KHDRBS3: variants seen among roughly 807,000 people sequenced by gnomAD.
The protein encoded by KHDRBS3 is KH domain-containing, RNA-binding, signal transduction-associated protein 3.
In KHDRBS3, 23 loss-of-function variants were observed where a neutral mutation model predicts 45.6. The ratio of observed to expected loss-of-function variants is 0.50; its 90% CI spans 0.36 to 0.72. The LOEUF (loss-of-function observed/expected upper bound fraction) is 0.72. KHDRBS3 is among the 30% of genes least tolerant of loss of function. The pLI, the probability that KHDRBS3 is intolerant of heterozygous loss-of-function variation, is 0.00. For synonymous variants in KHDRBS3, 162 were observed against 156.5 expected (o/e 1.04, Z -0.26); for missense variants, 352 against 424.8 (o/e 0.83, Z 1.51).
At chr8:135,483,380 AGTGGTTTGTT>A in intron 1 of KHDRBS3, among the ~76,000 whole-genome samples, 1 of 152,232 alleles carries the variant, frequency 6.6e-6, no homozygotes, top group African/African-American at 2.4e-5. Flanking sequence ...TGCTGCCATT[AGTGGTTTGTT>A]GTGGTTTGTA....
intron 1 of KHDRBS3, among the ~76,000 whole-genome samples, chr8:135,509,363 AAGGG>A (rs1383312269): frequency 6.6e-6 from 1 of 152,170 alleles, no homozygotes; most frequent in Non-Finnish European, 1.5e-5. Flanking sequence ...GTGTGGGAAA[AAGGG>A]AGTGGTAATT....
downstream of KHDRBS3, among the ~76,000 whole-genome samples, chr8:135,650,059 G>A (rs932164810): frequency 6.6e-6 from 1 of 151,874 alleles, no homozygotes. Context: ...TTCCCAAATC[G>A]CTTCCCCCTA....
intron 7 of KHDRBS3, among the ~76,000 whole-genome samples, chr8:135,641,615 G>A (rs1328411466): frequency 6.6e-6 from 1 of 152,204 alleles, no homozygotes; most frequent in Non-Finnish European, 1.5e-5. Context: ...AAGAGCCATG[G>A]AAGATGTTAG....
At chr8:135,641,458 T>G (rs1400872202) in intron 7 of KHDRBS3, among the ~76,000 whole-genome samples, 1 of 152,262 alleles carries the variant, frequency 6.6e-6, no homozygotes, top group East Asian at 1.9e-4. Flanking sequence ...TGTATTTGTC[T>G]GAGGAGCCAT....
At chr8:135,638,692 G>A (rs940291430) in intron 7 of KHDRBS3, among the ~76,000 whole-genome samples, 2 of 152,234 alleles carry the variant, frequency 1.3e-5, no homozygotes, top group African/African-American at 4.8e-5. Flanking sequence ...GCTCACGCCT[G>A]TAATCCCAGC....
At position 135,474,364 on chromosome 8, in the gene KHDRBS3, G is replaced by A. The variant is rs116437253; in HGVS notation, c.88+16410G>A. Among the ~76,000 whole-genome samples, 1,519 of 152,310 alleles carry A rather than the reference G, an allele frequency of 1.0e-2. 20 individuals carry two copies. Among genetic ancestry groups the A allele is most frequent in the African/African-American group, 0.032 (1,342 of 41,580 alleles). On this transcript the variant is annotated intron_variant, in intron 1 of 8. Transcript: ENST00000355849. ...TTTGCCTTGAAGCCTGACACATGCA[G>A]TATGCATGAATCGAACCAGATGCCC... is the stretch of plus-strand genomic sequence containing the variant.
At chr8:135,495,923 G>A (rs1046707995) in intron 1 of KHDRBS3, among the ~76,000 whole-genome samples, 1 of 151,714 alleles carries the variant, frequency 6.6e-6, no homozygotes, top group Non-Finnish European at 1.5e-5. Context: ...GTGTAGATAT[G>A]TGGCACTTTT....
At chr8:135,487,304 T>C (rs1250475350) in intron 1 of KHDRBS3, among the ~76,000 whole-genome samples, 2 of 152,202 alleles carry the variant, frequency 1.3e-5, no homozygotes, top group Non-Finnish European at 2.9e-5. Flanking sequence ...TTAGAGGTGC[T>C]GCTGGTTCCC....
In KHDRBS3 at chr8:135,569,441, G is replaced by A. The variant is rs143058925; in HGVS notation, c.611+11854G>A. On this transcript the variant is annotated intron_variant, in intron 5 of 8. Coordinates refer to ENST00000355849, the MANE Select transcript of KHDRBS3 (RefSeq NM_006558.3). The stretch of plus-strand genomic sequence containing the variant: ...TCATTAAGCAAAAACTTTAGGTAAC[G>A]ACCAGGTAAGAGGTTTTAAATTAAG... Among the ~76,000 whole-genome samples the A allele has an allele frequency of 2.8e-3, 426 of 152,240 alleles. 5 individuals carry two copies. The highest frequency in any genetic ancestry group is 9.4e-3 in the African/African-American group (389 of 41,536).
intron 1 of KHDRBS3, among the ~76,000 whole-genome samples, chr8:135,507,148 A>G (rs1271715742): frequency 6.6e-6 from 1 of 152,172 alleles, no homozygotes; most frequent in African/African-American, 2.4e-5. Flanking sequence ...AAATTCTTCA[A>G]ACGGATCTAG....
chr8:135,467,540 A>G (rs1391272595), intron 1 of KHDRBS3, among the ~76,000 whole-genome samples: 1 of 152,240 alleles, frequency 6.6e-6, no homozygotes, highest in Non-Finnish European at 1.5e-5. Flanking sequence ...CTTTCGTGAT[A>G]GGCATTTTGG....
rs577977714 is a variant in KHDRBS3 at position 135,606,857 on chromosome 8, A to T, written c.808-98A>T. The T allele has an allele frequency of 3.5e-6, 3 of 865,860 alleles. No individual in the cohort carries two copies. In the Admixed American group the frequency reaches 6.1e-5, roughly 18 times the overall value. The allele number at this position is 865,860 out of a possible 1,614,324, so 53.6% of individuals were successfully genotyped here. On this transcript the variant is annotated intron_variant, in intron 6 of 8. Coordinates refer to ENST00000355849, the MANE Select transcript of KHDRBS3 (RefSeq NM_006558.3). The stretch of plus-strand genomic sequence containing the variant: ...ACACTATAAGTAGACATATAATTAA[A>T]TGCTAGCTGAATTAATGGAAATTCA...
At chr8:135,503,616 A>G (rs184121602) in intron 1 of KHDRBS3, among the ~76,000 whole-genome samples, 115 of 150,316 alleles carry the variant, frequency 7.7e-4, no homozygotes, top group African/African-American at 2.4e-3. Context: ...CACCTCAGCT[A>G]GTGAGGTAGT....
intron 7 of KHDRBS3, among the ~76,000 whole-genome samples, chr8:135,628,330 G>A (rs1270448925): frequency 6.6e-6 from 1 of 152,082 alleles, no homozygotes; most frequent in East Asian, 1.9e-4. Flanking sequence ...TGGGTGCTCT[G>A]TAAATATCTG....
At chr8:135,553,010 G>A (rs1238452446) in intron 4 of KHDRBS3, among the ~76,000 whole-genome samples, 3 of 152,152 alleles carry the variant, frequency 2.0e-5, no homozygotes, top group African/African-American at 7.2e-5. Context: ...TTCAGGAAAG[G>A]TTGTATGGAG....
At chr8:135,536,234 GTTTTTTTTT>G (rs374782370) in intron 2 of KHDRBS3, among the ~76,000 whole-genome samples, 2 of 86,412 alleles carry the variant, frequency 2.3e-5, no homozygotes, top group African/African-American at 3.5e-5. Context: ...TTTCTGTCCA[GTTTTTTTTT>G]TTTTTTTTTT....
intron 2 of KHDRBS3, among the ~76,000 whole-genome samples, chr8:135,524,735 A>C (rs2317277): frequency 6.6e-6 from 1 of 150,648 alleles, no homozygotes; most frequent in Admixed American, 6.6e-5. Flanking sequence ...TATAACTTTT[A>C]CTGCTGTATC....
At chr8:135,556,071 T>G (rs1198640237) in intron 4 of KHDRBS3, among the ~76,000 whole-genome samples, 1 of 152,226 alleles carries the variant, frequency 6.6e-6, no homozygotes, top group East Asian at 1.9e-4. Flanking sequence ...GAACCCATCC[T>G]TTTTTATGGC....
chr8:135,520,209 G>A (rs1474816196), intron 1 of KHDRBS3, among the ~76,000 whole-genome samples: 3 of 152,144 alleles, frequency 2.0e-5, no homozygotes, highest in African/African-American at 4.8e-5. Flanking sequence ...GGATAAATAC[G>A]TGTATTCCTT....
Sources: allele counts gnomAD v4.1 joint callset (sites outside exome capture counted in the v4.1 genomes callset), GRCh38; gene constraint gnomAD v4.1.1; transcripts MANE v1.5; gene names NCBI Gene and HGNC (gene_info 2026-07-23, HGNC 2026-07-21).